CNTN5: variants seen among roughly 807,000 people sequenced by gnomAD.
The protein encoded by CNTN5 is contactin-5.
Under a neutral mutation model 129.1 loss-of-function variants are expected in CNTN5, and 77 were observed. The ratio of observed to expected loss-of-function variants is 0.60; its 90% CI spans 0.50 to 0.72. The LOEUF (loss-of-function observed/expected upper bound fraction) is 0.72. Among genes scored for constraint, CNTN5 ranks in the 30% least tolerant of loss-of-function variants. CNTN5 has a pLI of 0.00. For missense variants in CNTN5, 1,478 were observed against 1,328.8 expected, an observed-to-expected ratio of 1.11 and a Z score of -1.75; for synonymous variants, 509 against 465.6, an observed-to-expected ratio of 1.09 and a Z score of -1.20.
intron 1 of CNTN5, among the ~76,000 whole-genome samples, chr11:99,242,763 G>C (rs181760654): frequency 2.0e-4 from 30 of 152,166 alleles, no homozygotes. Flanking sequence ...GCATTAATTT[G>C]CCTAGGATAA....
At chr11:99,252,300 A>C (rs1474811402) in intron 1 of CNTN5, among the ~76,000 whole-genome samples, 1 of 151,988 alleles carries the variant, frequency 6.6e-6, no homozygotes, top group Non-Finnish European at 1.5e-5. Context: ...TCTGCTCCTC[A>C]ACTGTCAGTT....
chr11:99,322,162 A>G (rs1865600801), intron 1 of CNTN5, among the ~76,000 whole-genome samples: 1 of 152,120 alleles, frequency 6.6e-6, no homozygotes. Context: ...GGAGGCTAGA[A>G]GTTCAATATG....
chr11:99,500,586 A>C, intron 2 of CNTN5, among the ~76,000 whole-genome samples: 1 of 151,440 alleles, frequency 6.6e-6, no homozygotes, highest in Admixed American at 6.6e-5. Flanking sequence ...TTTCTATTTA[A>C]TGTCACCTAA....
intron 3 of CNTN5, among the ~76,000 whole-genome samples, chr11:99,612,910 G>C (rs1184228008): frequency 6.6e-6 from 1 of 152,164 alleles, no homozygotes; most frequent in Admixed American, 6.5e-5. Flanking sequence ...AAGAGGAGCG[G>C]GCAAGGAACT....
chr11:100,045,475 G>A (rs188331010), intron 9 of CNTN5, among the ~76,000 whole-genome samples: 131 of 152,132 alleles, frequency 8.6e-4, no homozygotes, highest in Non-Finnish European at 1.6e-3. Flanking sequence ...TTTTACCATG[G>A]AGAAAATATA....
intron 1 of CNTN5, among the ~76,000 whole-genome samples, chr11:99,314,237 C>A (rs148493361): frequency 6.6e-6 from 1 of 151,832 alleles, no homozygotes; most frequent in Admixed American, 6.6e-5. Context: ...ACATTGCTAG[C>A]CCAAGTAGGA....
intron 2 of CNTN5, among the ~76,000 whole-genome samples, chr11:99,358,538 C>G (rs971513823): frequency 2.7e-5 from 4 of 150,836 alleles, no homozygotes; most frequent in African/African-American, 7.3e-5. Flanking sequence ...TCCAGCCTGG[C>G]GACAGAGCAA....
chr11:99,324,563 A>G (rs896193246), intron 1 of CNTN5, among the ~76,000 whole-genome samples: 4 of 152,206 alleles, frequency 2.6e-5, no homozygotes, highest in African/African-American at 9.6e-5. Flanking sequence ...ATCCTAATAC[A>G]TCAATAATCT....
At chr11:100,199,953 T>C (rs1948737546) in intron 15 of CNTN5, among the ~76,000 whole-genome samples, 1 of 152,044 alleles carries the variant, frequency 6.6e-6, no homozygotes, top group African/African-American at 2.4e-5. Flanking sequence ...TTTCTCTGCT[T>C]AGCCAACTGC....
Position 99,255,187 on chromosome 11 carries a change from G to T in CNTN5, c.-209-70159G>T, listed in dbSNP as rs189547562. Among the ~76,000 whole-genome samples, 161 of 151,928 alleles carry T rather than the reference G, an allele frequency of 1.1e-3. 1 individual carries two copies. Among genetic ancestry groups the T allele is most frequent in the African/African-American group, 3.3e-3 (137 of 41,500 alleles). On this transcript the variant is annotated intron_variant, in intron 1 of 24. Coordinates refer to ENST00000524871, the MANE Select transcript of CNTN5 (RefSeq NM_014361.4). Reference sequence around the variant, plus strand: ...ATCAAACATTTGTTTGGTGAAAACTGCAGTTAATATTAATGCCAGAAAAGA... The same window carrying T: ...ATCAAACATTTGTTTGGTGAAAACTTCAGTTAATATTAATGCCAGAAAAGA...
chr11:99,948,060 T>C (rs1233716681), intron 7 of CNTN5, among the ~76,000 whole-genome samples: 4 of 152,178 alleles, frequency 2.6e-5, no homozygotes, highest in Non-Finnish European at 5.9e-5. Flanking sequence ...CTAACCGAGG[T>C]CTTAATTTTC....
At chr11:99,243,988 T>G (rs1299911646) in intron 1 of CNTN5, among the ~76,000 whole-genome samples, 1 of 152,144 alleles carries the variant, frequency 6.6e-6, no homozygotes, top group Admixed American at 6.6e-5. Context: ...ATAATTTTTC[T>G]AGTTCTTTGA....
intron 1 of CNTN5, among the ~76,000 whole-genome samples, chr11:99,165,778 T>C (rs1484986431): frequency 6.6e-6 from 1 of 152,172 alleles, no homozygotes; most frequent in Admixed American, 6.5e-5. Flanking sequence ...CTAGAAATGA[T>C]AATCCTCCTC....
intron 8 of CNTN5, among the ~76,000 whole-genome samples, chr11:99,992,700 A>T (rs545498027): frequency 2.0e-5 from 3 of 152,272 alleles, no homozygotes; most frequent in South Asian, 2.1e-4. Flanking sequence ...TTGGAGAAAC[A>T]CTGCTCTAAA....
At chr11:99,543,499 T>C (rs1948180036) in intron 2 of CNTN5, among the ~76,000 whole-genome samples, 5 of 152,230 alleles carry the variant, frequency 3.3e-5, no homozygotes, top group Admixed American at 2.6e-4. Flanking sequence ...ACTTACTTTC[T>C]TAATCTGCTC....
intron 2 of CNTN5, among the ~76,000 whole-genome samples, chr11:99,481,101 T>G (rs1414475360): frequency 6.6e-6 from 1 of 150,922 alleles, no homozygotes; most frequent in Non-Finnish European, 1.5e-5. Context: ...GGATTGGCAT[T>G]TAAAAAAAAA....
rs112176837 is a variant in CNTN5 at position 100,292,526 on chromosome 11, T to A, written c.2315-5099T>A. 1.5e-3 allele frequency among the ~76,000 whole-genome samples: 231 copies of A among 152,114 alleles called. 2 individuals carry two copies. The highest frequency in any genetic ancestry group is 5.4e-3 in the African/African-American group (224 of 41,538). On this transcript the variant is annotated intron_variant, in intron 18 of 24. Coordinates refer to ENST00000524871, the MANE Select transcript of CNTN5 (RefSeq NM_014361.4). Reference sequence around the variant, plus strand: ...GTAGCTCAGTATGAAATTGAGGTATTCTAGAAAACTCCGAAACTCAGTACA... The same window carrying A: ...GTAGCTCAGTATGAAATTGAGGTATACTAGAAAACTCCGAAACTCAGTACA...
intron 2 of CNTN5, among the ~76,000 whole-genome samples, chr11:99,459,754 T>G (rs2135228071): frequency 6.6e-6 from 1 of 152,182 alleles, no homozygotes; most frequent in East Asian, 1.9e-4. Context: ...AATATATATG[T>G]GCATATATTT....
chr11:100,157,242 T>C (rs1482297671), intron 13 of CNTN5, among the ~76,000 whole-genome samples: 1 of 151,872 alleles, frequency 6.6e-6, no homozygotes, highest in African/African-American at 2.4e-5. Flanking sequence ...TCACATACAA[T>C]TGCACATACT....
Sources: gnomAD v4.1 joint callset for allele counts (sites outside exome capture counted in the v4.1 genomes callset) on GRCh38, gnomAD v4.1.1 for gene constraint, MANE v1.5 for transcripts, NCBI Gene and HGNC (gene_info 2026-07-23, HGNC 2026-07-21) for gene names.